KIAA1217: variants seen among roughly 807,000 people sequenced by gnomAD.
The protein encoded by KIAA1217 is KIAA1217, also known as sickle tail protein homolog.
Under a neutral mutation model 163.9 loss-of-function variants are expected in KIAA1217, and 88 were observed. That is an observed-to-expected ratio of 0.54 (90% CI 0.45 to 0.64). The LOEUF (loss-of-function observed/expected upper bound fraction) is 0.64. KIAA1217 is among the 30% of genes least tolerant of loss of function. The pLI, the probability that KIAA1217 is intolerant of heterozygous loss-of-function variation, is 0.00. For synonymous variants in KIAA1217, 903 were observed against 923.1 expected, an observed-to-expected ratio of 0.98 and a Z score of 0.39; for missense variants, 2,372 against 2,475.0, an observed-to-expected ratio of 0.96 and a Z score of 0.88.
At chr10:23,829,377 C>A (rs1230960779) in intron 1 of KIAA1217, among the ~76,000 whole-genome samples, 1 of 152,180 alleles carries the variant, frequency 6.6e-6, no homozygotes, top group African/African-American at 2.4e-5. Flanking sequence ...AAACTCTCAG[C>A]TCTGTTATTC....
chr10:23,938,554 A>G (rs1843627807), intron 1 of KIAA1217, among the ~76,000 whole-genome samples: 1 of 152,326 alleles, frequency 6.6e-6, no homozygotes, highest in Non-Finnish European at 1.5e-5. Context: ...TAAAATTTGT[A>G]TTACTTTGTA....
At chr10:24,056,226 T>C (rs2060526418) in intron 2 of KIAA1217, among the ~76,000 whole-genome samples, 1 of 151,278 alleles carries the variant, frequency 6.6e-6, no homozygotes, top group Admixed American at 6.6e-5. Context: ...TGCTTGGGGG[T>C]CTGAGATGGG....
chr10:23,984,564 C>T (rs1007821874), intron 1 of KIAA1217, among the ~76,000 whole-genome samples: 1 of 152,084 alleles, frequency 6.6e-6, no homozygotes, highest in African/African-American at 2.4e-5. Flanking sequence ...ACATATACAC[C>T]ATGGAATACT....
chr10:24,244,446 C>G (rs2073502773), intron 2 of KIAA1217, among the ~76,000 whole-genome samples: 1 of 152,130 alleles, frequency 6.6e-6, no homozygotes, highest in African/African-American at 2.4e-5. Context: ...GGTGTCATCC[C>G]AGATGACCTT....
intron 1 of KIAA1217, among the ~76,000 whole-genome samples, chr10:23,934,623 ATAT>A (rs1843440191): frequency 1.6e-5 from 1 of 61,452 alleles, no homozygotes; most frequent in African/African-American, 1.9e-4. Flanking sequence ...ATATATATAT[ATAT>A]TTTTTTTTTG....
chr10:24,540,968 C>T (rs868169968), intron 17 of KIAA1217, among the ~76,000 whole-genome samples: 2 of 151,814 alleles, frequency 1.3e-5, no homozygotes, highest in Non-Finnish European at 2.9e-5. Context: ...GGGATTTCAC[C>T]GTGATGACCA....
intron 6 of KIAA1217, 90 bp from the exon 7 acceptor site, chr10:24,494,410 A>C: frequency 9.6e-7 from 1 of 1,044,116 alleles, no homozygotes; most frequent in Admixed American, 2.1e-5. Flanking sequence ...TCTAGGTGGT[A>C]CCTTTTATAA....
At chr10:24,161,160 A>G (rs1320861831) in intron 2 of KIAA1217, among the ~76,000 whole-genome samples, 2 of 152,228 alleles carry the variant, frequency 1.3e-5, no homozygotes, top group Non-Finnish European at 2.9e-5. Flanking sequence ...GCTGGGTCTT[A>G]TCTCCTTCTA....
intron 3 of KIAA1217, among the ~76,000 whole-genome samples, chr10:24,432,606 C>T (rs1412627866): frequency 6.8e-6 from 1 of 146,992 alleles, no homozygotes; most frequent in Non-Finnish European, 1.5e-5. Context: ...CAGTCATGTG[C>T]CACCACACCC....
At chr10:23,932,659 A>T (rs1301282262) in intron 1 of KIAA1217, among the ~76,000 whole-genome samples, 1 of 152,176 alleles carries the variant, frequency 6.6e-6, no homozygotes, top group Non-Finnish European at 1.5e-5. Context: ...ATCTTACCCC[A>T]TACCACTGAC....
intron 2 of KIAA1217, among the ~76,000 whole-genome samples, chr10:24,071,458 T>C (rs189225315): frequency 4.1e-4 from 63 of 152,326 alleles, no homozygotes; most frequent in Admixed American, 3.9e-3. Context: ...CCTTAATTGC[T>C]TATTGAAATC....
intron 2 of KIAA1217, among the ~76,000 whole-genome samples, chr10:24,046,091 T>TTATG (rs1017975464): frequency 5.7e-5 from 6 of 106,004 alleles, no homozygotes; most frequent in Non-Finnish European, 9.0e-5. Flanking sequence ...CTGATTTCAT[T>TTATG]TATTTATTTA....
chr10:24,385,260 A>G (rs1483763790), intron 3 of KIAA1217, among the ~76,000 whole-genome samples: 1 of 152,216 alleles, frequency 6.6e-6, no homozygotes, highest in African/African-American at 2.4e-5. Context: ...CTCCACTTGA[A>G]TAAGTCCTCA....
At chr10:24,392,752 T>A (rs2055153575) in intron 3 of KIAA1217, among the ~76,000 whole-genome samples, 1 of 152,218 alleles carries the variant, frequency 6.6e-6, no homozygotes, top group Non-Finnish European at 1.5e-5. Flanking sequence ...GCTGTACTTT[T>A]AGATGTTCTG....
intron 1 of KIAA1217, among the ~76,000 whole-genome samples, chr10:23,816,058 G>A (rs1837300178): frequency 6.6e-6 from 1 of 152,058 alleles, no homozygotes; most frequent in Non-Finnish European, 1.5e-5. Context: ...CCTGTGAGGT[G>A]CCATATTTAA....
intron 2 of KIAA1217, among the ~76,000 whole-genome samples, chr10:24,278,279 G>C (rs2077531479): frequency 6.6e-6 from 1 of 152,166 alleles, no homozygotes; most frequent in African/African-American, 2.4e-5. Flanking sequence ...ACTCTGTGAG[G>C]CCGGAAACCT....
chr10:24,054,562 G>T (rs945619392), intron 2 of KIAA1217, among the ~76,000 whole-genome samples: 1 of 152,178 alleles, frequency 6.6e-6, no homozygotes, highest in Non-Finnish European at 1.5e-5. Flanking sequence ...GGTATTCTAC[G>T]CATTTCCTCC....
intron 2 of KIAA1217, among the ~76,000 whole-genome samples, chr10:24,051,339 C>T (rs1348618816): frequency 6.6e-6 from 1 of 152,162 alleles, no homozygotes; most frequent in Non-Finnish European, 1.5e-5. Flanking sequence ...CACATTTTTG[C>T]AATTGTGAAT....
intron 5 of KIAA1217, among the ~76,000 whole-genome samples, chr10:24,448,310 A>G (rs2061130865): frequency 6.6e-6 from 1 of 152,180 alleles, no homozygotes; most frequent in Non-Finnish European, 1.5e-5. Context: ...AAATCCCTAG[A>G]CAACAAATCT....
Sources: allele counts gnomAD v4.1 joint callset (sites outside exome capture counted in the v4.1 genomes callset), GRCh38; gene constraint gnomAD v4.1.1; transcripts MANE v1.5; gene names NCBI Gene and HGNC (gene_info 2026-07-23, HGNC 2026-07-21).